Variants in NOS2 observed in about 807,000 individuals in gnomAD.
NOS2 encodes the protein nitric oxide synthase 2.
Under a neutral mutation model 136.0 loss-of-function variants are expected in NOS2, and 96 were observed. That is an observed-to-expected ratio of 0.71 (90% CI 0.60 to 0.84). The LOEUF (loss-of-function observed/expected upper bound fraction) is 0.84, where lower values mean the gene tolerates loss of function less well. Ranked by LOEUF, NOS2 falls within the 40% of genes least tolerant of loss-of-function variation. The pLI is 0.00. For synonymous variants in NOS2, 539 were observed against 587.5 expected, an observed-to-expected ratio of 0.92 and a Z score of 1.20; for missense variants, 1,237 against 1,496.9, an observed-to-expected ratio of 0.83 and a Z score of 2.87.
Position 27,772,418 on chromosome 17 carries a change from T to A in NOS2, c.1594A>T (p.Thr532Ser), listed in dbSNP as rs1311804219. The part of the protein sequence containing the change: ...VLFACMLMRK[T>S]MASRVRVTIL... ...GTGACTCTGACTCGGGACGCCATTGTCTTGCGCATCAGCATACAGGCAAAG... is the reference window on the plus strand; with the variant it reads ...GTGACTCTGACTCGGGACGCCATTGACTTGCGCATCAGCATACAGGCAAAG... The change falls in exon 14 of 27, where the codon ACA (threonine) becomes TCA (serine). Residue 532 changes from threonine to serine, a missense_variant. Around this residue, in one of 3 missense-constraint regions of NOS2, gnomAD observed 782 missense variants for 909.9 expected, o/e 0.86. Coordinates refer to ENST00000313735, the MANE Select transcript of NOS2 (RefSeq NM_000625.4). The A allele has an allele frequency of 6.2e-6, 10 of 1,613,922 alleles. No homozygotes were observed. Among genetic ancestry groups the A allele is most frequent in the Admixed American group, 1.7e-5 (1 of 60,006 alleles).
intron 2 of NOS2, among the ~76,000 whole-genome samples, chr17:27,791,780 AACAAAAC>A (rs1567643056): frequency 2.4e-5 from 3 of 124,298 alleles, no homozygotes; most frequent in Non-Finnish European, 3.7e-5. Flanking sequence ...AAAAAAACAA[AACAAAAC>A]AAAACAAAAC....
In NOS2 at chr17:27,765,710, G is replaced by C; in HGVS notation, c.2253C>G (p.Ala751=). The C allele has an allele frequency of 6.2e-7, 1 of 1,601,082 alleles. No individual in the cohort carries two copies. The highest frequency in any genetic ancestry group is 8.5e-7 in the Non-Finnish European group (1 of 1,173,864). The part of the protein sequence containing the change: ...QNLQSPTSSR[A]TILVELSCED... ...CACAGGAGAGTTCCACCAGGATGGT[G>C]GCACGGCTGGGGAAGGAAAATGAAG... Residue 751 remains alanine (A), a synonymous_variant, in exon 20 of 27, where the codon GCC becomes GCG. Transcript: ENST00000313735.
At position 27,765,645 on chromosome 17, in the gene NOS2, A is replaced by G; in HGVS notation, c.2318T>C (p.Leu773Pro). 1 of 1,613,490 alleles carries G rather than the reference A, an allele frequency of 6.2e-7. No individual in the cohort carries two copies. Among genetic ancestry groups the G allele is most frequent in the Non-Finnish European group, 8.5e-7 (1 of 1,180,012 alleles). Reference protein sequence around the residue: ...QGLNYLPGEHLGVCPGNQPAL... With the variant: ...QGLNYLPGEHPGVCPGNQPAL... The stretch of plus-strand genomic sequence containing the variant: ...CGGCTGGTTGCCTGGGCAAACCCCA[A>G]GGTGCTCCCCCGGCAGGTAGTTCAG... The change falls in exon 20 of 27, where the codon CTT becomes CCT. Residue 773 changes from leucine to proline, a missense_variant. Leu to Pro is a moderately conservative substitution (Grantham distance 98). Coordinates refer to ENST00000313735, the MANE Select transcript of NOS2 (RefSeq NM_000625.4).
intron 20 of NOS2, among the ~76,000 whole-genome samples, chr17:27,764,511 G>A (rs1412967121): frequency 6.6e-6 from 1 of 152,212 alleles, no homozygotes; most frequent in African/African-American, 2.4e-5. Context: ...TTAGAGAGAA[G>A]CCCATGACTG....
chr17:27,777,338 T>C (rs1950190059), intron 11 of NOS2, among the ~76,000 whole-genome samples: 1 of 152,222 alleles, frequency 6.6e-6, no homozygotes, highest in African/African-American at 2.4e-5. Context: ...CTGTGGCTTC[T>C]AAAGTAGTAT....
intron 13 of NOS2, 75 bp from the exon 14 acceptor site, chr17:27,772,527 T>C (rs1908530427): frequency 6.4e-7 from 1 of 1,560,436 alleles, no homozygotes; most frequent in African/African-American, 1.4e-5. Context: ...ACCAGGGGAA[T>C]GGGAGGGGAC....
intron 1 of NOS2, among the ~76,000 whole-genome samples, chr17:27,799,843 C>T (rs1909477828): frequency 6.7e-6 from 1 of 149,222 alleles, no homozygotes; most frequent in African/African-American, 2.5e-5. Flanking sequence ...GAGGAAAGGA[C>T]AGGAAGGAAA....
intron 11 of NOS2, among the ~76,000 whole-genome samples, chr17:27,776,863 A>G (rs1011789425): frequency 1.3e-5 from 2 of 152,122 alleles, no homozygotes; most frequent in African/African-American, 2.4e-5. Flanking sequence ...TCCCCATTTT[A>G]CAGAGGAGGA....
At chr17:27,777,803 G>C (rs28999383) in intron 11 of NOS2, among the ~76,000 whole-genome samples, 1 of 152,050 alleles carries the variant, frequency 6.6e-6, no homozygotes, top group Non-Finnish European at 1.5e-5. Flanking sequence ...CCAGCGCTTT[G>C]GGAGGCTGAG....
intron 11 of NOS2, among the ~76,000 whole-genome samples, chr17:27,778,061 G>C (rs185146810): frequency 4.0e-5 from 6 of 151,800 alleles, no homozygotes; most frequent in Admixed American, 3.3e-4. Flanking sequence ...AAAGAAAGAA[G>C]AAAGTCGATG....
At position 27,781,028 on chromosome 17, in the gene NOS2, C is replaced by A. The variant is rs752339875; in HGVS notation, c.864+8G>T. 3.1e-6 allele frequency: 5 copies of A among 1,611,790 alleles called. No individual in the cohort carries two copies. The South Asian group carries it at 5.5e-5, about 18-fold the overall frequency. The stretch of plus-strand genomic sequence containing the variant: ...CCAATGGCCGGTGGCTGAGGCTGGG[C>A]CGGGTACCTGAGTGAATTCCACGTT... On this transcript the variant is annotated splice_region_variant and intron_variant, in intron 8 of 26. Coordinates refer to ENST00000313735, the MANE Select transcript of NOS2 (RefSeq NM_000625.4).
rs1909102933 is a variant in NOS2, at chr17:27,788,852, C to T, written c.275G>A (p.Ser92Asn). 1.2e-6 allele frequency: 2 copies of T among 1,614,212 alleles called. No homozygotes were observed. The highest frequency in any genetic ancestry group is 3.3e-5 in the Admixed American group (2 of 60,026). ...AAGTGTGTCTTGGAAAGTCATCCCG[C>T]TGCCCCAGTTTTTGATCCTCACATG... is the stretch of plus-strand genomic sequence containing the variant. ...PRHVRIKNWGSGMTFQDTLHH... is the reference protein window; with the variant it reads ...PRHVRIKNWGNGMTFQDTLHH... Residue 92 changes from serine to asparagine, a missense_variant, in exon 4 of 27, where the codon AGC (serine) becomes AAC (asparagine). This residue lies in a region of NOS2 where 440 missense variants were observed against 545.4 expected (regional missense o/e 0.81). Transcript: ENST00000313735.
chr17:27,797,657 G>A (rs1840419381), intron 2 of NOS2, among the ~76,000 whole-genome samples: 3 of 152,234 alleles, frequency 2.0e-5, no homozygotes, highest in Admixed American at 2.0e-4. Flanking sequence ...GTGGCTATGT[G>A]GTGGTCTTGT....
At chr17:27,757,592 C>A (rs917859857) in intron 26 of NOS2, among the ~76,000 whole-genome samples, 4 of 152,208 alleles carry the variant, frequency 2.6e-5, no homozygotes, top group African/African-American at 9.7e-5. Context: ...GCGTTCATCC[C>A]CCACCCAAGA....
At chr17:27,776,690 A>G (rs960401319) in intron 11 of NOS2, among the ~76,000 whole-genome samples, 1 of 151,980 alleles carries the variant, frequency 6.6e-6, no homozygotes, top group African/African-American at 2.4e-5. Context: ...AAAAAAAAAA[A>G]AAAAAAAAAC....
intron 15 of NOS2, 63 bp downstream of exon 15, chr17:27,770,850 C>A (rs1597548471): frequency 1.5e-5 from 19 of 1,240,690 alleles, no homozygotes; most frequent in Non-Finnish European, 2.2e-5. Flanking sequence ...ATCCCCCAGA[C>A]CCTTTCCTGG....
chr17:27,766,551 C>T lies in NOS2; in HGVS notation c.2205G>A (p.Met735Ile). The change falls in exon 19 of 27, where the codon ATG becomes ATA. Residue 735 changes from methionine to isoleucine, a missense_variant. Met to Ile is a conservative substitution (Grantham distance 10). This residue lies in a region of NOS2 where 782 missense variants were observed against 909.9 expected (regional missense o/e 0.86). Coordinates refer to ENST00000313735, the MANE Select transcript of NOS2 (RefSeq NM_000625.4). ...GTAGATTCTGCCGAGATTTGAGCCTCATGGTGAACACGTTCTTGGCATGCA... is the reference window on the plus strand; with the variant it reads ...GTAGATTCTGCCGAGATTTGAGCCTTATGGTGAACACGTTCTTGGCATGCA... ...SSMHAKNVFT[M>I]RLKSRQNLQS... is the part of the protein sequence containing the mutation. The T allele has an allele frequency of 6.2e-7, 1 of 1,614,174 alleles. No homozygotes were observed. Among genetic ancestry groups the T allele is most frequent in the Non-Finnish European group, 8.5e-7 (1 of 1,179,996 alleles).
chr17:27,778,141 C>T (rs934539365), intron 11 of NOS2, among the ~76,000 whole-genome samples: 1 of 151,484 alleles, frequency 6.6e-6, no homozygotes, highest in Non-Finnish European at 1.5e-5. Flanking sequence ...AGGACTAACA[C>T]AGAGAGACAG....
chr17:27,765,572 G>A lies in NOS2; in HGVS notation c.2391C>T (p.Pro797=), dbSNP rs201998157. The change falls in exon 20 of 27, where the codon CCC becomes CCT. Residue 797 remains proline, a synonymous_variant. Transcript: ENST00000313735. ...GGGCCTCCAGGCGCACTGTCTGGTG[G>A]GGTGTGGGGCCATCCACCACTCGCT... ...ILERVVDGPT[P]HQTVRLEALD... The A allele has an allele frequency of 9.9e-6, 16 of 1,611,190 alleles. No individual in the cohort carries two copies. The highest frequency in any genetic ancestry group is 3.3e-5 in the Admixed American group (2 of 59,910).
Sources: allele counts gnomAD v4.1 joint callset (sites outside exome capture counted in the v4.1 genomes callset), GRCh38; gene constraint gnomAD v4.1.1; regional missense constraint gnomAD v4.1.1; transcripts MANE v1.5; gene names NCBI Gene and HGNC (gene_info 2026-07-23, HGNC 2026-07-21).